FRMPD2: variants seen among roughly 807,000 people sequenced by gnomAD.
The protein encoded by FRMPD2 is FERM and PDZ domain-containing protein 2.
Under a neutral mutation model 140.1 loss-of-function variants are expected in FRMPD2, and 96 were observed. The ratio of observed to expected loss-of-function variants is 0.69; its 90% confidence interval spans 0.58 to 0.81. The LOEUF (loss-of-function observed/expected upper bound fraction) is 0.81. Ranked by LOEUF, FRMPD2 falls within the 40% of genes least tolerant of loss-of-function variation. The probability of loss-of-function intolerance (pLI) is 0.00; values close to 1 mark genes in which losing one functional copy is unlikely to be tolerated. For synonymous variants in FRMPD2, 449 were observed against 547.6 expected, an observed-to-expected ratio of 0.82 and a Z score of 2.52; for missense variants, 1,240 against 1,447.4, an observed-to-expected ratio of 0.86 and a Z score of 2.32.
chr10:48,250,258 C>T (rs1840344900), intron 2 of FRMPD2, among the ~76,000 whole-genome samples: 1 of 152,208 alleles, frequency 6.6e-6, no homozygotes, highest in African/African-American at 2.4e-5. Context: ...GGCACACCAG[C>T]AAATTCTACC....
intron 13 of FRMPD2, among the ~76,000 whole-genome samples, chr10:48,207,489 G>T (rs1050872577): frequency 6.6e-6 from 1 of 152,198 alleles, no homozygotes; most frequent in African/African-American, 2.4e-5. Flanking sequence ...CTTCGTGGGG[G>T]TCCCCGTAGC....
intron 23 of FRMPD2, among the ~76,000 whole-genome samples, chr10:48,175,338 T>C (rs1342783662): frequency 6.6e-6 from 1 of 152,080 alleles, no homozygotes; most frequent in African/African-American, 2.4e-5. Context: ...GGAGGCATGG[T>C]TGACGCTGGG....
intron 1 of FRMPD2, among the ~76,000 whole-genome samples, chr10:48,269,445 A>G (rs1840731304): frequency 6.6e-6 from 1 of 152,200 alleles, no homozygotes; most frequent in African/African-American, 2.4e-5. Flanking sequence ...TACCTAGTAC[A>G]AGGGTGGCCA....
Position 48,274,584 on chromosome 10 carries a change from C to A in FRMPD2, c.-17G>T, listed in dbSNP as rs1165369847. On this transcript the variant is annotated 5_prime_UTR_variant, in exon 1 of 29. Coordinates refer to ENST00000374201, the MANE Select transcript of FRMPD2 (RefSeq NM_001018071.4). ...AGGCTGCATCCAAAAGTCTCCGTGA[C>A]CAGGTCTAGGCCTTCATCATGGGAC... The A allele has an allele frequency of 1.9e-6, 3 of 1,613,792 alleles. No individual in the cohort carries two copies. Among genetic ancestry groups the A allele is most frequent in the Non-Finnish European group, 2.5e-6 (3 of 1,179,682 alleles).
intron 7 of FRMPD2, 146 bp from the exon 8 acceptor site, chr10:48,238,269 C>T: frequency 1.2e-6 from 1 of 837,050 alleles, no homozygotes; most frequent in Non-Finnish European, 1.8e-6. Flanking sequence ...GGAGTTATAT[C>T]CATTTTTCAA....
rs1214053487 is a variant in FRMPD2, at chr10:48,179,791, G to A, written c.2790+1012C>T. The stretch of plus-strand genomic sequence containing the variant: ...CATAAAAAGAGAAACGAGGTTGAAA[G>A]AGGTGCAATAACCTGCCTGTTTCAA... On this transcript the variant is annotated intron_variant, in intron 21 of 28. Coordinates refer to ENST00000374201, the MANE Select transcript of FRMPD2 (RefSeq NM_001018071.4). Among the ~76,000 whole-genome samples, 6 of 152,204 alleles carry A rather than the reference G, an allele frequency of 3.9e-5. No individual in the cohort carries two copies. The East Asian group carries it at 1.2e-3, about 29-fold the overall frequency.
intron 1 of FRMPD2, among the ~76,000 whole-genome samples, chr10:48,262,829 C>T (rs749638207): frequency 5.9e-5 from 9 of 152,080 alleles, no homozygotes; most frequent in Non-Finnish European, 2.9e-5. Flanking sequence ...GCCTGGAGTA[C>T]AGTGGTGCAA....
At chr10:48,266,082 G>A (rs1840673033) in intron 1 of FRMPD2, among the ~76,000 whole-genome samples, 2 of 152,140 alleles carry the variant, frequency 1.3e-5, no homozygotes, top group South Asian at 4.1e-4. Flanking sequence ...GGTTGGAGCA[G>A]GAGACCATTA....
Position 48,187,239 on chromosome 10 carries a change from A to T in FRMPD2, c.2219T>A (p.Met740Lys). ...LKSACVIQKP[M>K]TWDSLSGPPV... ...TGGTCCAGAGAGAGAGTCCCAGGTC[A>T]TTGGCTTCTGGATCACACAGGCACT... The change falls in exon 17 of 29, where the codon ATG becomes AAG. Residue 740 changes from methionine to lysine, a missense_variant. Physicochemically the swap from Met to Lys is moderately conservative, Grantham distance 95 (BLOSUM62 -1). This residue lies in a region of FRMPD2 where 1,161 missense variants were observed against 1,055.9 expected (regional missense o/e 1.10). Coordinates refer to ENST00000374201, the MANE Select transcript of FRMPD2 (RefSeq NM_001018071.4). 6 of 1,614,124 alleles carry T rather than the reference A, an allele frequency of 3.7e-6. No individual in the cohort carries two copies. Among genetic ancestry groups the T allele is most frequent in the Non-Finnish European group, 5.1e-6 (6 of 1,179,992 alleles).
chr10:48,222,091 T>C (rs1366014417), intron 12 of FRMPD2, among the ~76,000 whole-genome samples: 2 of 150,958 alleles, frequency 1.3e-5, no homozygotes, highest in Non-Finnish European at 3.0e-5. Flanking sequence ...GACAGGTGAA[T>C]AGGTAGATGA....
At chr10:48,227,285 A>T (rs1371845288) in intron 10 of FRMPD2, among the ~76,000 whole-genome samples, 2 of 152,162 alleles carry the variant, frequency 1.3e-5, no homozygotes, top group Admixed American at 6.5e-5. Context: ...TAAAAGTTAC[A>T]ATAAGACTCT....
At chr10:48,255,419 T>A (rs746103192) in intron 1 of FRMPD2, among the ~76,000 whole-genome samples, 94 of 152,304 alleles carry the variant, frequency 6.2e-4, no homozygotes, top group Non-Finnish European at 1.1e-3. Context: ...CCCTCTCCCA[T>A]GTGCCATGGC....
At chr10:48,243,386 C>T (rs1840172066) in intron 4 of FRMPD2, among the ~76,000 whole-genome samples, 1 of 152,188 alleles carries the variant, frequency 6.6e-6, no homozygotes, top group African/African-American at 2.4e-5. Context: ...CACGAAGATG[C>T]AGATGAGCTG....
chr10:48,247,920 A>G lies in FRMPD2; in HGVS notation c.309+1101T>C, dbSNP rs1448736238. ...GAAGGTATGTGGGCCTGGATGCCAG[A>G]GTGACTTCCAGGATTTCAGGGGGGA... On this transcript the variant is annotated intron_variant, in intron 3 of 28. Transcript: ENST00000374201. Among the ~76,000 whole-genome samples, 5 of 152,116 alleles carry G rather than the reference A, an allele frequency of 3.3e-5. No homozygotes were observed. The East Asian group carries it at 7.7e-4, about 23-fold the overall frequency.
At chr10:48,200,451 G>A (rs866800148) in intron 15 of FRMPD2, among the ~76,000 whole-genome samples, 6 of 152,204 alleles carry the variant, frequency 3.9e-5, no homozygotes, top group Admixed American at 3.9e-4. Flanking sequence ...CTAGGTGGGA[G>A]TTTTATCTAT....
chr10:48,200,508 T>A (rs186565499), intron 15 of FRMPD2, among the ~76,000 whole-genome samples: 4 of 152,232 alleles, frequency 2.6e-5, no homozygotes, highest in Non-Finnish European at 4.4e-5. Context: ...CTTTGTTTTA[T>A]ACCAAGGTTG....
In FRMPD2 at chr10:48,258,667, G is replaced by A. The variant is rs1229168793; in HGVS notation, c.26-6976C>T. On this transcript the variant is annotated intron_variant, in intron 1 of 28. Coordinates refer to ENST00000374201, the MANE Select transcript of FRMPD2 (RefSeq NM_001018071.4). Reference sequence around the variant, plus strand: ...ACACTAGTACAGAGAAATATTTTTCGGCATTCAGAGCATTTTAGAGTAGTG... The same window carrying A: ...ACACTAGTACAGAGAAATATTTTTCAGCATTCAGAGCATTTTAGAGTAGTG... 2.7e-5 allele frequency among the ~76,000 whole-genome samples: 4 copies of A among 149,382 alleles called. No homozygotes were observed. In the East Asian group the frequency reaches 5.8e-4, roughly 22 times the overall value.
chr10:48,160,274 A>G (rs1215511834), intron 28 of FRMPD2, among the ~76,000 whole-genome samples: 1 of 151,698 alleles, frequency 6.6e-6, no homozygotes, highest in East Asian at 1.9e-4. Context: ...AGAGTGTGAG[A>G]AAAGAGAACA....
At chr10:48,197,427 G>C (rs1838979854) in intron 15 of FRMPD2, among the ~76,000 whole-genome samples, 2 of 152,170 alleles carry the variant, frequency 1.3e-5, no homozygotes, top group Admixed American at 1.3e-4. Context: ...AAGGGGAAGT[G>C]AGCTGCCCAA....
Sources: allele counts gnomAD v4.1 joint callset (sites outside exome capture counted in the v4.1 genomes callset), GRCh38; gene constraint gnomAD v4.1.1; regional missense constraint gnomAD v4.1.1; transcripts MANE v1.5; gene names NCBI Gene and HGNC (gene_info 2026-07-23, HGNC 2026-07-21).